The following HACL2 variants were observed in gnomAD, a reference collection of about 807,000 sequenced individuals.
The protein encoded by HACL2 is 2-hydroxyacyl-CoA lyase 2.
chr19:15,116,853 C>A, the HACL2 span: 21 of 321,120 alleles, frequency 6.5e-5, no homozygotes, highest in African/African-American at 4.3e-4. Flanking sequence ...CCACCAAGCA[C>A]ATCTCTCAAA....
the HACL2 span, chr19:15,123,093 A>C: frequency 1.2e-6 from 2 of 1,612,330 alleles, no homozygotes; most frequent in Non-Finnish European, 1.7e-6. This position sits in a 1 kb window ranked among gnomAD's most constrained non-coding sequence, Gnocchi z 5.1. Flanking sequence ...CTAGGCCCCC[A>C]CTGGCCCCCA....
At chr19:15,125,420 C>A in the HACL2 span, 1 of 245,012 alleles carries the variant, frequency 4.1e-6, no homozygotes, top group Non-Finnish European at 8.0e-6. Flanking sequence ...CCTCTCTTTC[C>A]ACAACCGGAC....
At chr19:15,116,307 A>G in the HACL2 span, 1 of 1,613,958 alleles carries the variant, frequency 6.2e-7, no homozygotes, top group South Asian at 1.1e-5. Context: ...GGCCACAGGC[A>G]TCGCTGCCTT....
At chr19:15,120,508 G>A in the HACL2 span, among the ~76,000 whole-genome samples, 3 of 152,166 alleles carry the variant, frequency 2.0e-5, no homozygotes, top group Non-Finnish European at 4.4e-5. Context: ...GACATGAGGC[G>A]CTTTGCATGG....
the HACL2 span, chr19:15,119,256 C>A: frequency 1.2e-6 from 2 of 1,610,004 alleles, no homozygotes; most frequent in South Asian, 2.2e-5. Context: ...AGCCCCCGTG[C>A]CATCCCTCCA....
the HACL2 span, chr19:15,123,963 A>G: frequency 4.8e-6 from 1 of 206,808 alleles, no homozygotes; most frequent in South Asian, 9.4e-5. This position sits in a 1 kb window ranked among gnomAD's most constrained non-coding sequence, Gnocchi z 5.1. Flanking sequence ...CGCAGAGCAG[A>G]TGGCAGGGAG....
At chr19:15,118,461 C>G in the HACL2 span, among the ~76,000 whole-genome samples, 3 of 152,148 alleles carry the variant, frequency 2.0e-5, no homozygotes, top group East Asian at 3.9e-4. Context: ...CTGAGGCCAT[C>G]ATGCTGGGAG....
chr19:15,117,824 CAGG>C, the HACL2 span: 5,849 of 1,601,414 alleles, frequency 3.7e-3, 16 homozygotes, highest in Non-Finnish European at 4.6e-3. Flanking sequence ...CAGCAGAAAC[CAGG>C]AGGAGAGGGA....
chr19:15,116,826 A>T, the HACL2 span: 1 of 402,704 alleles, frequency 2.5e-6, no homozygotes, highest in East Asian at 4.9e-5. Flanking sequence ...GGAAACACTC[A>T]ATGAAAAGAG....
the HACL2 span, among the ~76,000 whole-genome samples, chr19:15,121,384 G>A: frequency 6.6e-6 from 1 of 152,184 alleles, no homozygotes; most frequent in Non-Finnish European, 1.5e-5. Flanking sequence ...TGCCTGTCCT[G>A]GAACCTGGCA....
At chr19:15,122,817 G>A in the HACL2 span, 14 of 1,613,884 alleles carry the variant, frequency 8.7e-6, no homozygotes, top group African/African-American at 1.6e-4. The surrounding 1 kb of genome is among the most constrained non-coding windows in gnomAD (Gnocchi z 4.0). Flanking sequence ...GCAGGGACAG[G>A]GAGGACGCTG....
At chr19:15,118,901 AACCACAGCT>A in the HACL2 span, among the ~76,000 whole-genome samples, 1 of 152,188 alleles carries the variant, frequency 6.6e-6, no homozygotes. Context: ...GCCCAGCCAA[AACCACAGCT>A]ACCACCTACC....
the HACL2 span, among the ~76,000 whole-genome samples, chr19:15,121,000 C>T: frequency 3.9e-5 from 6 of 152,004 alleles, no homozygotes; most frequent in Non-Finnish European, 8.8e-5. Context: ...GAGAGAGGGG[C>T]AAGGAGAACA....
chr19:15,119,275 G>A, the HACL2 span: 1 of 1,609,004 alleles, frequency 6.2e-7, no homozygotes, highest in Non-Finnish European at 8.5e-7. Flanking sequence ...CAAGGAAGCA[G>A]GGAACACCCA....
chr19:15,120,083 T>TG, the HACL2 span: 1 of 1,539,600 alleles, frequency 6.5e-7, no homozygotes, highest in Non-Finnish European at 8.8e-7. Flanking sequence ...TCTAAATACC[T>TG]GCAAAAGGGA....
At chr19:15,124,065 G>A in the HACL2 span, 5 of 164,976 alleles carry the variant, frequency 3.0e-5, no homozygotes, top group African/African-American at 1.2e-4. Context: ...CCCTCCTGAT[G>A]GACGCTAAAC....
chr19:15,115,937 C>A, the HACL2 span: 2 of 1,614,000 alleles, frequency 1.2e-6, no homozygotes, highest in South Asian at 1.1e-5. Flanking sequence ...CGGGAGGGGA[C>A]CCAGGATGGT....
At chr19:15,123,799 A>C in the HACL2 span, 1 of 580,324 alleles carries the variant, frequency 1.7e-6, no homozygotes, top group Non-Finnish European at 3.1e-6. The surrounding 1 kb of genome is among the most constrained non-coding windows in gnomAD (Gnocchi z 5.1). Flanking sequence ...ACAGCTGAGG[A>C]CATCAAGGCT....
At chr19:15,120,799 A>G in the HACL2 span, among the ~76,000 whole-genome samples, 3 of 152,178 alleles carry the variant, frequency 2.0e-5, no homozygotes, top group African/African-American at 7.2e-5. Context: ...GAACCGTGGG[A>G]AGCCCCGCAA....
Sources: allele counts gnomAD v4.1 joint callset (sites outside exome capture counted in the v4.1 genomes callset), GRCh38; gene constraint gnomAD v4.1.1; non-coding constraint Gnocchi (gnomAD v3.1); transcripts MANE v1.5; gene names NCBI Gene and HGNC (gene_info 2026-07-23, HGNC 2026-07-21).